The following CTNNA3 variants were observed in gnomAD, a reference collection of about 807,000 sequenced individuals.
The protein encoded by CTNNA3 is catenin alpha-3.
CTNNA3 carries 76 observed loss-of-function variants against 95.7 expected under a neutral mutation model. That is an observed-to-expected ratio of 0.79 (90% CI 0.66 to 0.96). CTNNA3 has a LOEUF of 0.96. CTNNA3 is among the 40% of genes least tolerant of loss of function. CTNNA3 has a pLI of 0.00. For synonymous variants in CTNNA3, 431 were observed against 374.4 expected, an observed-to-expected ratio of 1.15 and a Z score of -1.74; for missense variants, 1,191 against 1,089.8, an observed-to-expected ratio of 1.09 and a Z score of -1.31.
At chr10:67,149,138 T>C (rs1247708388) in intron 7 of CTNNA3, among the ~76,000 whole-genome samples, 2 of 152,220 alleles carry the variant, frequency 1.3e-5, no homozygotes, top group African/African-American at 4.8e-5. Flanking sequence ...CCCAGTTTAC[T>C]CTCAGGCAGT....
rs562014755 is a variant in CTNNA3 at position 67,118,878 on chromosome 10, A to C, written c.1047+61439T>G. Among the ~76,000 whole-genome samples, 51 of 152,042 alleles carry C rather than the reference A, an allele frequency of 3.4e-4. No homozygotes were observed. In the South Asian group the frequency reaches 9.3e-3, roughly 28 times the overall value. On this transcript the variant is annotated intron_variant, in intron 7 of 17. Coordinates refer to ENST00000433211, the MANE Select transcript of CTNNA3 (RefSeq NM_013266.4). ...TAAGAATCAGAACTGTTTATGTAGA[A>C]ATATATAATAACATTTTTAACCAAA...
At chr10:66,606,649 A>T (rs1481912514) in intron 10 of CTNNA3, among the ~76,000 whole-genome samples, 1 of 152,046 alleles carries the variant, frequency 6.6e-6, no homozygotes, top group Admixed American at 6.5e-5. Flanking sequence ...AATTCATTAC[A>T]TGAATAACCT....
chr10:67,033,246 G>T (rs1413068206), intron 7 of CTNNA3, among the ~76,000 whole-genome samples: 1 of 152,130 alleles, frequency 6.6e-6, no homozygotes, highest in Non-Finnish European at 1.5e-5. Flanking sequence ...TTCTCTCTGA[G>T]GCAAAGTGTT....
intron 5 of CTNNA3, among the ~76,000 whole-genome samples, chr10:67,481,752 C>T (rs563557401): frequency 6.6e-6 from 1 of 152,062 alleles, no homozygotes; most frequent in Non-Finnish European, 1.5e-5. Flanking sequence ...CTTTAGTTTA[C>T]TTAGATCCCA....
At chr10:66,424,586 T>A (rs905769484) in intron 11 of CTNNA3, among the ~76,000 whole-genome samples, 3 of 152,106 alleles carry the variant, frequency 2.0e-5, no homozygotes, top group African/African-American at 4.8e-5. Flanking sequence ...TTTTCACACA[T>A]AATTTTCTGT....
chr10:67,288,394 C>G (rs1459916595), intron 5 of CTNNA3, among the ~76,000 whole-genome samples: 14 of 152,166 alleles, frequency 9.2e-5, no homozygotes, highest in Admixed American at 9.2e-4. Flanking sequence ...CCTAGCACCA[C>G]TTTTCATTTA....
chr10:67,342,186 C>T (rs1261767869), intron 5 of CTNNA3, among the ~76,000 whole-genome samples: 1 of 149,092 alleles, frequency 6.7e-6, no homozygotes, highest in African/African-American at 2.5e-5. Context: ...ACGGCAAGCT[C>T]CGCCTCCCGG....
intron 7 of CTNNA3, among the ~76,000 whole-genome samples, chr10:67,143,329 GA>G (rs1860680958): frequency 6.7e-6 from 1 of 148,508 alleles, no homozygotes; most frequent in Non-Finnish European, 1.5e-5. Context: ...GGCTGGGACA[GA>G]AGAATTGTTT....
chr10:66,095,492 T>C (rs2133709870), intron 14 of CTNNA3, among the ~76,000 whole-genome samples: 1 of 152,226 alleles, frequency 6.6e-6, no homozygotes. Context: ...TGTCCCAATA[T>C]TCTGTAAGGT....
At chr10:66,447,366 A>C (rs2093430633) in intron 11 of CTNNA3, among the ~76,000 whole-genome samples, 1 of 142,560 alleles carries the variant, frequency 7.0e-6, no homozygotes, top group Non-Finnish European at 1.5e-5. Context: ...CGCATCGCCA[A>C]GTCAATCCTA....
intron 5 of CTNNA3, among the ~76,000 whole-genome samples, chr10:67,231,626 C>T (rs541088336): frequency 2.5e-4 from 38 of 152,298 alleles, no homozygotes; most frequent in South Asian, 6.2e-4. Flanking sequence ...ACCTCTCCTC[C>T]TCCAAAGGAA....
In CTNNA3 at chr10:66,523,837, G is replaced by A. The variant is rs148599482; in HGVS notation, c.1375-3064C>T. ...CAAACACATTTCTTTCTCAAATGCC[G>A]AAGTGATCATGCCCCCCACTTGCTG... On this transcript the variant is annotated intron_variant, in intron 10 of 17. Transcript: ENST00000433211. 6.8e-4 allele frequency among the ~76,000 whole-genome samples: 104 copies of A among 152,172 alleles called. 1 individual carries two copies. The highest frequency in any genetic ancestry group is 1.1e-3 in the Non-Finnish European group (78 of 68,012).
At chr10:67,260,976 C>A (rs73264278) in intron 5 of CTNNA3, among the ~76,000 whole-genome samples, 1 of 152,138 alleles carries the variant, frequency 6.6e-6, no homozygotes, top group Non-Finnish European at 1.5e-5. Flanking sequence ...TGAGCCACCA[C>A]GCCCAGCGAC....
At chr10:66,155,200 G>C (rs769797534) in intron 13 of CTNNA3, among the ~76,000 whole-genome samples, 1 of 151,780 alleles carries the variant, frequency 6.6e-6, no homozygotes, top group South Asian at 2.1e-4. Flanking sequence ...ATAACTTAGA[G>C]AGAACTCTTG....
intron 7 of CTNNA3, among the ~76,000 whole-genome samples, chr10:66,814,266 G>GAAAAAAA (rs71035182): frequency 7.3e-6 from 1 of 137,094 alleles, no homozygotes; most frequent in Non-Finnish European, 1.6e-5. Context: ...AAGGAGGAAA[G>GAAAAAAA]AAAAAAAAAA....
chr10:67,644,490 T>C (rs551320281), intron 2 of CTNNA3, among the ~76,000 whole-genome samples: 2 of 148,000 alleles, frequency 1.4e-5, no homozygotes, highest in South Asian at 4.2e-4. Context: ...CATGATGTTA[T>C]CCTAGAAAAA....
chr10:67,668,418 T>C (rs1399945258), intron 1 of CTNNA3, among the ~76,000 whole-genome samples: 1 of 152,198 alleles, frequency 6.6e-6, no homozygotes, highest in African/African-American at 2.4e-5. Flanking sequence ...CTGAACCCTA[T>C]ATATGTTTTT....
At chr10:66,332,155 T>C (rs1200210277) in intron 12 of CTNNA3, among the ~76,000 whole-genome samples, 1 of 152,002 alleles carries the variant, frequency 6.6e-6, no homozygotes, top group Admixed American at 6.6e-5. Context: ...GCTGAGACAA[T>C]GGGGTTTTCT....
chr10:66,270,599 T>A (rs546814266), intron 13 of CTNNA3, among the ~76,000 whole-genome samples: 1 of 152,300 alleles, frequency 6.6e-6, no homozygotes, highest in South Asian at 2.1e-4. Context: ...TGAATAAATA[T>A]GTAATACGTC....
Sources: gnomAD v4.1 joint callset for allele counts (sites outside exome capture counted in the v4.1 genomes callset) on GRCh38, gnomAD v4.1.1 for gene constraint, MANE v1.5 for transcripts, NCBI Gene and HGNC (gene_info 2026-07-23, HGNC 2026-07-21) for gene names.